The following SLC6A7 variants were observed in gnomAD, a reference collection of about 807,000 sequenced individuals.
The protein encoded by SLC6A7 is sodium-dependent proline transporter.
In SLC6A7, 58 loss-of-function variants were observed where a neutral mutation model predicts 73.1. That is an observed-to-expected ratio of 0.79 (90% CI 0.64 to 0.99). SLC6A7 has a LOEUF of 0.99. Ranked by LOEUF, SLC6A7 falls within the 50% of genes least tolerant of loss-of-function variation. The pLI is 0.00. For missense variants in SLC6A7, 783 were observed against 831.4 expected, an observed-to-expected ratio of 0.94 and a Z score of 0.72; for synonymous variants, 338 against 338.7, an observed-to-expected ratio of 1.00 and a Z score of 0.02.
In SLC6A7 at chr5:150,205,467, G is replaced by A. The variant is rs766819691; in HGVS notation, c.1545G>A (p.Val515=). 12 of 1,605,922 alleles carry A rather than the reference G, an allele frequency of 7.5e-6. No individual in the cohort carries two copies. In the African/African-American group the frequency reaches 1.1e-4, roughly 14 times the overall value. Residue 515 remains valine (V), a synonymous_variant, in exon 13 of 14, where the codon GTG becomes GTA. Transcript: ENST00000230671. Reference sequence around the variant, plus strand: ...TCCCCACTCTGCAGGCCCTCATGGTGTATAGCATCGTCAAGTACCAGCCCT... The same window carrying A: ...TCCCCACTCTGCAGGCCCTCATGGTATATAGCATCGTCAAGTACCAGCCCT... ...LSPATLLALM[V]YSIVKYQPSE... is the part of the protein sequence containing the mutation.
At chr5:150,209,357 C>G (rs762116640) in intron 13 of SLC6A7, 49 bp from the exon 14 acceptor site, 2 of 1,499,254 alleles carry the variant, frequency 1.3e-6, no homozygotes, top group Admixed American at 1.7e-5. Flanking sequence ...GAACCCTCCA[C>G]CAGCGCTGCC....
intron 1 of SLC6A7, 149 bp downstream of exon 1, chr5:150,190,509 G>A (rs533865123): frequency 1.1e-5 from 6 of 548,672 alleles, no homozygotes; most frequent in South Asian, 2.6e-5. Flanking sequence ...ATAACAGGGA[G>A]GGTCAGGGTC....
chr5:150,196,696 G>A lies in SLC6A7; in HGVS notation c.218-20G>A. On this transcript the variant is annotated intron_variant, in intron 2 of 13. Coordinates refer to ENST00000230671, the MANE Select transcript of SLC6A7 (RefSeq NM_014228.5). ...GGGAGCTGCCCCCAAGGCCCTTGCTGACCACCCCGCTCCCGGCAGGCGCCT... is the reference window on the plus strand; with the variant it reads ...GGGAGCTGCCCCCAAGGCCCTTGCTAACCACCCCGCTCCCGGCAGGCGCCT... 1.2e-6 allele frequency: 2 copies of A among 1,608,558 alleles called. No homozygotes were observed. Among genetic ancestry groups the A allele is most frequent in the African/African-American group, 1.3e-5 (1 of 75,006 alleles).
chr5:150,198,112 A>AAAGC (rs1753160292), intron 4 of SLC6A7, among the ~76,000 whole-genome samples: 1 of 88,380 alleles, frequency 1.1e-5, no homozygotes, highest in Non-Finnish European at 2.8e-5. Flanking sequence ...AGAAAGAAAG[A>AAAGC]AAGAGAAAGA....
chr5:150,203,824 T>C (rs893988579), intron 9 of SLC6A7, 45 bp downstream of exon 9: 3 of 847,922 alleles, frequency 3.5e-6, no homozygotes, highest in Non-Finnish European at 5.2e-6. Context: ...GTGTGTGGTG[T>C]GTGTGTGTGT....
In SLC6A7 at chr5:150,204,883, T is replaced by A. The variant is rs758697699; in HGVS notation, c.1489T>A (p.Tyr497Asn). The A allele has an allele frequency of 1.3e-6, 2 of 1,591,628 alleles. No individual in the cohort carries two copies. ...HMMLGFKPGLYFRACWLFLSP... is the reference protein window; with the variant it reads ...HMMLGFKPGLNFRACWLFLSP... The stretch of plus-strand genomic sequence containing the variant: ...GATGCTGGGCTTCAAGCCGGGCCTC[T>A]ACTTCAGGGCCTGCTGGCTGTTCCT... The change falls in exon 12 of 14, where the codon TAC (tyrosine) becomes AAC (asparagine). Residue 497 changes from tyrosine to asparagine, a missense_variant. Physicochemically the swap from Tyr to Asn is moderately radical, Grantham distance 143. Transcript: ENST00000230671.
In SLC6A7 at chr5:150,199,297, C is replaced by T. The variant is rs1478192432; in HGVS notation, c.654C>T (p.Cys218=). 1 of 1,614,124 alleles carries T rather than the reference C, an allele frequency of 6.2e-7. No homozygotes were observed. Among genetic ancestry groups the T allele is most frequent in the South Asian group, 1.1e-5 (1 of 91,072 alleles). The change falls in exon 5 of 14, where the codon TGC becomes TGT. Residue 218 remains cysteine (C), a synonymous_variant. Transcript: ENST00000230671. ...GSPGEIRWNL[C]LCLLLAWVIV... is the part of the protein sequence containing the mutation. The stretch of plus-strand genomic sequence containing the variant: ...CTGGGGAGATCCGCTGGAACCTCTG[C>T]CTCTGCCTGCTGCTGGCCTGGGTCA...
At chr5:150,208,102 G>C (rs1419918350) in intron 13 of SLC6A7, among the ~76,000 whole-genome samples, 1 of 152,014 alleles carries the variant, frequency 6.6e-6, no homozygotes, top group African/African-American at 2.4e-5. Context: ...CCCGTTTTCA[G>C]CTGGAAACAA....
At chr5:150,208,850 G>A (rs933477168) in intron 13 of SLC6A7, among the ~76,000 whole-genome samples, 2 of 152,210 alleles carry the variant, frequency 1.3e-5, no homozygotes, top group Non-Finnish European at 2.9e-5. Flanking sequence ...ACAAGGGAAA[G>A]GTCAGAGGCA....
intron 8 of SLC6A7, among the ~76,000 whole-genome samples, 189 bp from the exon 9 acceptor site, chr5:150,203,478 G>A (rs1418328907): frequency 2.6e-5 from 4 of 152,116 alleles, no homozygotes; most frequent in East Asian, 1.9e-4. Flanking sequence ...TATGTTTATC[G>A]AGCACCTACA....
chr5:150,204,179 CT>C, intron 10 of SLC6A7, 141 bp downstream of exon 10: 1 of 830,734 alleles, frequency 1.2e-6, no homozygotes, highest in Non-Finnish European at 1.8e-6. Flanking sequence ...CCGGCCCTAT[CT>C]CCCAAGGGAG....
At chr5:150,195,223 G>C (rs17708892) in intron 2 of SLC6A7, 3 of 275,914 alleles carry the variant, frequency 1.1e-5, no homozygotes, top group Non-Finnish European at 2.1e-5. Flanking sequence ...ATAAGGAGCT[G>C]TATCTGCCTG....
intron 1 of SLC6A7, among the ~76,000 whole-genome samples, chr5:150,193,781 T>C (rs1404451955): frequency 6.6e-6 from 1 of 152,170 alleles, no homozygotes; most frequent in Non-Finnish European, 1.5e-5. Context: ...CTCCATATTG[T>C]CTGCATCTTT....
rs1264194771 is a variant in SLC6A7, at chr5:150,200,969, G to A, written c.724-120G>A. On this transcript the variant is annotated intron_variant, in intron 5 of 13. Coordinates refer to ENST00000230671, the MANE Select transcript of SLC6A7 (RefSeq NM_014228.5). ...GAGGAGGGAAGCCTCAAGGATGAAG[G>A]CCGGTTCCTGGCTTGGGCTACCCAA... 5 of 983,814 alleles carry A rather than the reference G, an allele frequency of 5.1e-6. No individual in the cohort carries two copies. In the Admixed American group the frequency reaches 7.6e-5, roughly 15 times the overall value. The allele number at this position is 983,814 out of a possible 1,614,324, so 60.9% of individuals were successfully genotyped here.
chr5:150,204,096 C>A (rs555731725), intron 10 of SLC6A7, 58 bp downstream of exon 10: 3 of 1,543,450 alleles, frequency 1.9e-6, no homozygotes, highest in South Asian at 2.3e-5. Context: ...ACGCCTGCAA[C>A]GAGATCTCTG....
rs1290975738 is a variant in SLC6A7, at chr5:150,201,121, C to T, written c.756C>T (p.Leu252=). Residue 252 remains leucine, a synonymous_variant, in exon 6 of 14, where the codon CTC becomes CTT. Coordinates refer to ENST00000230671, the MANE Select transcript of SLC6A7 (RefSeq NM_014228.5). ...VVYFTATFPY[L]ILLMLLVRGV... ...ATTTCACGGCCACGTTCCCCTACCTCATCCTGCTCATGCTGCTGGTCCGCG... is the reference window on the plus strand; with the variant it reads ...ATTTCACGGCCACGTTCCCCTACCTTATCCTGCTCATGCTGCTGGTCCGCG... The T allele has an allele frequency of 1.9e-6, 3 of 1,613,844 alleles. No individual in the cohort carries two copies. The highest frequency in any genetic ancestry group is 1.3e-5 in the African/African-American group (1 of 74,916).
intron 5 of SLC6A7, 128 bp downstream of exon 5, chr5:150,199,494 C>A: frequency 3.1e-6 from 2 of 646,788 alleles, no homozygotes; most frequent in Non-Finnish European, 5.3e-6. Flanking sequence ...AGGGAGAGAG[C>A]CTTGAGACTG....
rs1466202069 is a variant in SLC6A7 at position 150,190,222 on chromosome 5, T to A, written c.-106T>A. The A allele has an allele frequency of 1.0e-6, 1 of 974,668 alleles. No homozygotes were observed. Among genetic ancestry groups the A allele is most frequent in the African/African-American group, 1.7e-5 (1 of 57,356 alleles). The allele number at this position is 974,668 out of a possible 1,614,324, so 60.4% of individuals were successfully genotyped here. ...CTGCGTCCGTGCCCGCCCCAGCCGG[T>A]GCGCGGGAGCCGCGGGGGCAAAGGC... On this transcript the variant is annotated 5_prime_UTR_variant, in exon 1 of 14. Coordinates refer to ENST00000230671, the MANE Select transcript of SLC6A7 (RefSeq NM_014228.5).
Position 150,190,283 on chromosome 5 carries a change from C to G in SLC6A7, c.-45C>G, listed in dbSNP as rs772077350. ...GCGGACCATCTCTCGTGCCCTCGCT[C>G]TCTGCGCTCCGGGGCAGCTGAGCCC... On this transcript the variant is annotated 5_prime_UTR_variant, in exon 1 of 14. Transcript: ENST00000230671. 121 of 1,494,456 alleles carry G rather than the reference C, an allele frequency of 8.1e-5. No homozygotes were observed. In the South Asian group the frequency reaches 1.2e-3, roughly 15 times the overall value. The allele number at this position is 1,494,456 out of a possible 1,614,324, so 92.6% of individuals were successfully genotyped here. A position where few individuals can be genotyped will look rare whatever the true frequency, so the allele number is the denominator to read the frequency against.
Sources: gnomAD v4.1 joint callset for allele counts (sites outside exome capture counted in the v4.1 genomes callset) on GRCh38, gnomAD v4.1.1 for gene constraint, MANE v1.5 for transcripts, NCBI Gene and HGNC (gene_info 2026-07-23, HGNC 2026-07-21) for gene names.